ZDHHC17: variants seen among roughly 807,000 people sequenced by gnomAD.
ZDHHC17 encodes the protein zDHHC palmitoyltransferase 17.
A neutral mutation model predicts 90.3 loss-of-function variants in ZDHHC17; 40 were observed. That is an observed-to-expected ratio of 0.44 (90% CI 0.34 to 0.58). ZDHHC17 has a LOEUF of 0.58. ZDHHC17 is among the 20% of genes least tolerant of loss of function. The pLI is 0.01. For synonymous variants in ZDHHC17, 235 were observed against 252.4 expected, an observed-to-expected ratio of 0.93 and a Z score of 0.65; for missense variants, 614 against 780.8, an observed-to-expected ratio of 0.79 and a Z score of 2.55.
At chr12:76,782,833 A>T (rs1158473759) in intron 1 of ZDHHC17, among the ~76,000 whole-genome samples, 1 of 152,000 alleles carries the variant, frequency 6.6e-6, no homozygotes, top group Non-Finnish European at 1.5e-5. Flanking sequence ...GGGGATTTAT[A>T]GTCAGCAAGC....
chr12:76,800,351 A>G (rs1187906235), intron 2 of ZDHHC17, among the ~76,000 whole-genome samples: 1 of 152,232 alleles, frequency 6.6e-6, no homozygotes, highest in Non-Finnish European at 1.5e-5. Context: ...TTAAAAATAC[A>G]TGAATCCAGG....
chr12:76,807,278 A>T (rs571182614), intron 3 of ZDHHC17, among the ~76,000 whole-genome samples: 1 of 152,318 alleles, frequency 6.6e-6, no homozygotes, highest in East Asian at 1.9e-4. Flanking sequence ...GTAACTACTG[A>T]CTTTCAGCGG....
intron 5 of ZDHHC17, among the ~76,000 whole-genome samples, chr12:76,814,510 G>A (rs1477744): frequency 0.61 from 92,454 of 151,572 alleles, 28,226 homozygotes; most frequent in East Asian, 0.67. Context: ...CAGATTTTTT[G>A]TACCAAGGAA....
chr12:76,802,258 G>A (rs536472628), intron 2 of ZDHHC17, among the ~76,000 whole-genome samples: 2 of 152,246 alleles, frequency 1.3e-5, no homozygotes, highest in African/African-American at 4.8e-5. Context: ...TTAGCGCTTT[G>A]GATATGTCAG....
chr12:76,832,900 T>A (rs1214649251), intron 10 of ZDHHC17, among the ~76,000 whole-genome samples: 1 of 152,246 alleles, frequency 6.6e-6, no homozygotes, highest in East Asian at 1.9e-4. Context: ...GTGACTCAAA[T>A]TTTTCACTGT....
In ZDHHC17 at chr12:76,796,100, C is replaced by G. The variant is rs562806720; in HGVS notation, c.94-1334C>G. 5.3e-5 allele frequency among the ~76,000 whole-genome samples: 8 copies of G among 152,226 alleles called. No homozygotes were observed. In the South Asian group the frequency reaches 1.2e-3, roughly 24 times the overall value. The stretch of plus-strand genomic sequence containing the variant: ...TCAAACAAATTAGTTTTAGAACTTT[C>G]CACAAAATTTGAATGGCTAGAGTAA... On this transcript the variant is annotated intron_variant, in intron 1 of 16. Coordinates refer to ENST00000426126, the MANE Select transcript of ZDHHC17 (RefSeq NM_015336.4).
chr12:76,819,565 A>G (rs951442567), intron 7 of ZDHHC17, among the ~76,000 whole-genome samples: 1 of 152,226 alleles, frequency 6.6e-6, no homozygotes, highest in Non-Finnish European at 1.5e-5. Context: ...CCTATTTTCT[A>G]TATATGATTA....
At chr12:76,829,864 T>G (rs1953277812) in intron 10 of ZDHHC17, among the ~76,000 whole-genome samples, 1 of 152,190 alleles carries the variant, frequency 6.6e-6, no homozygotes, top group South Asian at 2.1e-4. Flanking sequence ...TTTTTTAACC[T>G]GTTCCCCAGG....
intron 1 of ZDHHC17, among the ~76,000 whole-genome samples, chr12:76,765,265 A>G (rs1317364911): frequency 6.6e-6 from 1 of 152,194 alleles, no homozygotes; most frequent in African/African-American, 2.4e-5. Context: ...TTACTTTGCA[A>G]TGGAGTGATT....
chr12:76,807,374 C>A (rs7314589), intron 3 of ZDHHC17, among the ~76,000 whole-genome samples: 90,533 of 151,900 alleles, frequency 0.6, 27,012 homozygotes, highest in East Asian at 0.67. Flanking sequence ...CAGGTACTTA[C>A]TAAATATTTG....
intron 10 of ZDHHC17, among the ~76,000 whole-genome samples, chr12:76,828,696 A>G (rs1031642786): frequency 6.6e-6 from 1 of 152,210 alleles, no homozygotes; most frequent in African/African-American, 2.4e-5. Context: ...CAGCATATAA[A>G]TAATAGTAGC....
chr12:76,766,748 G>A (rs545923116), intron 1 of ZDHHC17, among the ~76,000 whole-genome samples: 6 of 152,166 alleles, frequency 3.9e-5, no homozygotes, highest in Non-Finnish European at 7.4e-5. Context: ...GGCTGGGCTC[G>A]GAGGCTCACA....
intron 1 of ZDHHC17, among the ~76,000 whole-genome samples, chr12:76,784,333 T>C (rs575094164): frequency 6.6e-6 from 1 of 152,268 alleles, no homozygotes; most frequent in East Asian, 1.9e-4. Flanking sequence ...TGAATTCTAC[T>C]AAAATTGAAA....
At chr12:76,821,260 C>A in intron 7 of ZDHHC17, 2 of 529,846 alleles carry the variant, frequency 3.8e-6, no homozygotes, top group Non-Finnish European at 5.5e-6. Context: ...AGTAAATATC[C>A]CTATTTGTGG....
chr12:76,852,265 G>A lies in ZDHHC17; in HGVS notation c.*1280G>A, dbSNP rs192260474. 1.8e-4 allele frequency: 28 copies of A among 152,736 alleles called. No homozygotes were observed. Among genetic ancestry groups the A allele is most frequent in the Admixed American group, 9.2e-4 (14 of 15,294 alleles). 9.5% of individuals were successfully genotyped at this position (152,736 alleles called of 1,614,324 possible). A position where few individuals can be genotyped will look rare whatever the true frequency, so the allele number is the denominator to read the frequency against. ...TAAGTGCTGTAGCAAACTGTGGTTC[G>A]AGCAACCTGTGGGAAATCTGTGAGA... On this transcript the variant is annotated 3_prime_UTR_variant, in exon 17 of 17. Transcript: ENST00000426126.
chr12:76,820,148 C>A (rs1285743665), intron 7 of ZDHHC17, among the ~76,000 whole-genome samples: 1 of 151,788 alleles, frequency 6.6e-6, no homozygotes, highest in African/African-American at 2.4e-5. Flanking sequence ...GGTGTGGGTC[C>A]ATGGACCCCT....
chr12:76,837,441 GAT>G (rs1953381060), intron 10 of ZDHHC17, among the ~76,000 whole-genome samples: 1 of 152,142 alleles, frequency 6.6e-6, no homozygotes. Context: ...ACTGCAGTAA[GAT>G]ATGATTATGC....
chr12:76,778,389 T>G (rs1054665779), intron 1 of ZDHHC17, among the ~76,000 whole-genome samples: 6 of 152,120 alleles, frequency 3.9e-5, no homozygotes, highest in Admixed American at 6.5e-5. Context: ...CCAGCGAATT[T>G]TTTTAGTTTT....
At chr12:76,843,501 C>T (rs1953459701) in intron 12 of ZDHHC17, among the ~76,000 whole-genome samples, 1 of 151,740 alleles carries the variant, frequency 6.6e-6, no homozygotes, top group Non-Finnish European at 1.5e-5. Context: ...TTAAAGTGGT[C>T]ATCCTCATCC....
Sources: allele counts gnomAD v4.1 joint callset (sites outside exome capture counted in the v4.1 genomes callset), GRCh38; gene constraint gnomAD v4.1.1; transcripts MANE v1.5; gene names NCBI Gene and HGNC (gene_info 2026-07-23, HGNC 2026-07-21).